The following MMRN1 variants were observed in gnomAD, a reference collection of about 807,000 sequenced individuals.
MMRN1 encodes multimerin-1.
In MMRN1, 94 loss-of-function variants were observed where a neutral mutation model predicts 100.7. The observed-to-expected ratio is 0.93, with a 90% confidence interval of 0.79 to 1.11. MMRN1 has a LOEUF of 1.11. Ranked by LOEUF, MMRN1 falls within the 50% of genes least tolerant of loss-of-function variation. MMRN1 has a pLI of 0.00. For synonymous variants in MMRN1, 575 were observed against 505.0 expected, an observed-to-expected ratio of 1.14 and a Z score of -1.86; for missense variants, 1,606 against 1,439.1, an observed-to-expected ratio of 1.12 and a Z score of -1.88.
rs748559322 is a variant in MMRN1 at position 89,936,601 on chromosome 4, A to C, written c.2921A>C (p.Lys974Thr). 14 of 1,611,790 alleles carry C rather than the reference A, an allele frequency of 8.7e-6. No individual in the cohort carries two copies. In the South Asian group the frequency reaches 1.5e-4, roughly 18 times the overall value. The change falls in exon 6 of 8, where the codon AAA becomes ACA. Residue 974 changes from lysine to threonine, a missense_variant. By Grantham distance (78) the Lys-to-Thr change is moderately conservative. Coordinates refer to ENST00000264790, the MANE Select transcript of MMRN1 (RefSeq NM_007351.3). ...TTTGTGGAACCAATAATTCAAATAA[A>C]AACTCAAGCTGCCCTATCTAATTTA... ...TEFVEPIIQI[K>T]TQAALSNLTC... is the part of the protein sequence containing the mutation.
Position 89,953,373 on chromosome 4 carries a change from T to C in MMRN1, c.3642T>C (p.Phe1214=). The change falls in exon 8 of 8, where the codon TTT becomes TTC. Residue 1214 remains phenylalanine (F), a synonymous_variant. Transcript: ENST00000264790. ...RLAKGTIPAK[F]PPVTTFSGYL... The stretch of plus-strand genomic sequence containing the variant: ...CAAAAGGAACAATTCCAGCCAAGTT[T>C]CCCCCTGTTACTACATTTAGTGGCT... The C allele has an allele frequency of 4.3e-6, 7 of 1,612,676 alleles. No homozygotes were observed. Among genetic ancestry groups the C allele is most frequent in the Non-Finnish European group, 5.1e-6 (6 of 1,179,410 alleles).
intron 6 of MMRN1, among the ~76,000 whole-genome samples, chr4:89,950,756 AC>A (rs1723139851): frequency 6.6e-6 from 1 of 151,866 alleles, no homozygotes; most frequent in Admixed American, 6.6e-5. Context: ...ATGGGGTATC[AC>A]TATGCTGCTC....
At chr4:89,893,663 T>A (rs937204977), upstream of MMRN1, among the ~76,000 whole-genome samples, 5 of 152,112 alleles carry the variant, frequency 3.3e-5, no homozygotes, top group African/African-American at 9.7e-5. Context: ...AGCTTCCAAA[T>A]AACATAACAG....
chr4:89,900,878 G>A (rs1324994022), intron 1 of MMRN1, among the ~76,000 whole-genome samples: 3 of 152,072 alleles, frequency 2.0e-5, no homozygotes, highest in South Asian at 4.1e-4. Flanking sequence ...TGAACTGATA[G>A]TGGTGGATGC....
At chr4:89,940,977 A>T (rs193216970) in intron 6 of MMRN1, among the ~76,000 whole-genome samples, 158 of 152,290 alleles carry the variant, frequency 1.0e-3, no homozygotes, top group African/African-American at 3.6e-3. Flanking sequence ...ATCAAAAAGA[A>T]TAGGATACAA....
intron 6 of MMRN1, among the ~76,000 whole-genome samples, chr4:89,942,535 A>G (rs185996601): frequency 3.3e-5 from 5 of 152,238 alleles, no homozygotes; most frequent in South Asian, 2.1e-4. Context: ...TCTGAAAAAC[A>G]TACTTTAAGT....
intron 3 of MMRN1, among the ~76,000 whole-genome samples, chr4:89,917,091 G>C (rs1183913794): frequency 1.3e-5 from 2 of 151,030 alleles, no homozygotes; most frequent in African/African-American, 4.9e-5. Flanking sequence ...ACACATCCTC[G>C]TGTGTGTGTT....
chr4:89,933,406 C>A (rs1024956737), intron 5 of MMRN1, among the ~76,000 whole-genome samples: 1 of 152,148 alleles, frequency 6.6e-6, no homozygotes, highest in Non-Finnish European at 1.5e-5. Context: ...TCCACATTTT[C>A]AGGTGTCTTA....
At chr4:89,923,918 G>T (rs1578485727) in intron 4 of MMRN1, among the ~76,000 whole-genome samples, 1 of 152,200 alleles carries the variant, frequency 6.6e-6, no homozygotes, top group East Asian at 1.9e-4. Flanking sequence ...TGACTTAAAG[G>T]GCTGTCTTTA....
Position 89,904,604 on chromosome 4 carries a change from G to T in MMRN1, c.624-4672G>T, listed in dbSNP as rs551922788. 2.4e-4 allele frequency among the ~76,000 whole-genome samples: 37 copies of T among 151,446 alleles called. 1 individual carries two copies. In the South Asian group the frequency reaches 7.5e-3, roughly 31 times the overall value. On this transcript the variant is annotated intron_variant, in intron 1 of 7. Coordinates refer to ENST00000264790, the MANE Select transcript of MMRN1 (RefSeq NM_007351.3). ...TTTTCAAGGTTCTTCCTTTTCAAAG[G>T]TTGAATAATACCCCATTTTGAGTGT...
At chr4:89,914,232 T>A (rs1050377450) in intron 3 of MMRN1, among the ~76,000 whole-genome samples, 1 of 151,462 alleles carries the variant, frequency 6.6e-6, no homozygotes. Context: ...GCAATTGTAC[T>A]TTTTTACTTC....
At chr4:89,885,192 T>G (rs1720909939) in intron 1 of MMRN1, among the ~76,000 whole-genome samples, 1 of 149,348 alleles carries the variant, frequency 6.7e-6, no homozygotes, top group Non-Finnish European at 1.5e-5. Flanking sequence ...TGTCTCTGTC[T>G]CTACTTTCTC....
chr4:89,945,994 T>C (rs1335711691), intron 6 of MMRN1, among the ~76,000 whole-genome samples: 4 of 152,184 alleles, frequency 2.6e-5, no homozygotes, highest in Non-Finnish European at 5.9e-5. Flanking sequence ...AGCAATGCAT[T>C]TGAAAACTTA....
intron 6 of MMRN1, among the ~76,000 whole-genome samples, chr4:89,946,585 G>T (rs1578504919): frequency 6.6e-6 from 1 of 152,130 alleles, no homozygotes; most frequent in Admixed American, 6.6e-5. Context: ...ACTGAGGAAA[G>T]TTGAGTGAAT....
intron 3 of MMRN1, among the ~76,000 whole-genome samples, chr4:89,913,167 A>G (rs1187501986): frequency 6.6e-6 from 1 of 151,306 alleles, no homozygotes; most frequent in Non-Finnish European, 1.5e-5. Context: ...TATACTCACA[A>G]TGGTAAAACA....
chr4:89,917,083 ACATC>A (rs1721945461), intron 3 of MMRN1, among the ~76,000 whole-genome samples: 1 of 151,400 alleles, frequency 6.6e-6, no homozygotes, highest in South Asian at 2.1e-4. Flanking sequence ...ATCCCCCCAC[ACATC>A]CTCGTGTGTG....
At chr4:89,947,429 T>G (rs1360114259) in intron 6 of MMRN1, among the ~76,000 whole-genome samples, 3 of 152,224 alleles carry the variant, frequency 2.0e-5, no homozygotes, top group Non-Finnish European at 2.9e-5. Flanking sequence ...CATCTTTTAT[T>G]AATTTGTCTA....
intron 3 of MMRN1, among the ~76,000 whole-genome samples, chr4:89,915,893 T>C (rs1338885025): frequency 1.3e-5 from 2 of 151,710 alleles, no homozygotes; most frequent in Non-Finnish European, 3.0e-5. Flanking sequence ...TAGAAATCTG[T>C]CCTGTATGGA....
intron 3 of MMRN1, among the ~76,000 whole-genome samples, chr4:89,914,098 A>C (rs1195915259): frequency 1.3e-5 from 2 of 151,352 alleles, no homozygotes; most frequent in Non-Finnish European, 3.0e-5. Flanking sequence ...TTGAACCTTC[A>C]TTATATCTCT....
Sources: gnomAD v4.1 joint callset for allele counts (sites outside exome capture counted in the v4.1 genomes callset) on GRCh38, gnomAD v4.1.1 for gene constraint, MANE v1.5 for transcripts, NCBI Gene and HGNC (gene_info 2026-07-23, HGNC 2026-07-21) for gene names.